PNPT1: variants seen among roughly 807,000 people sequenced by gnomAD.
The protein encoded by PNPT1 is polyribonucleotide nucleotidyltransferase 1, also known as polyribonucleotide nucleotidyltransferase 1, mitochondrial.
In PNPT1, 53 loss-of-function variants were observed where a neutral mutation model predicts 119.5. That is an observed-to-expected ratio of 0.44 (90% CI 0.36 to 0.56). The LOEUF is 0.56. Ranked by LOEUF, PNPT1 falls within the 20% of genes least tolerant of loss-of-function variation. The pLI is 0.00. For missense variants in PNPT1, 948 were observed against 938.5 expected (o/e 1.01, Z -0.13); for synonymous variants, 357 against 322.1 (o/e 1.11, Z -1.16).
intron 10 of PNPT1, 47 bp from the exon 11 acceptor site, chr2:55,671,423 T>C: frequency 8.7e-7 from 1 of 1,151,702 alleles, no homozygotes; most frequent in Non-Finnish European, 1.2e-6. Flanking sequence ...TGACAACATT[T>C]AATATTTCTG....
chr2:55,667,993 T>A (rs1338247215), intron 11 of PNPT1, 35 bp from the exon 12 acceptor site: 1 of 1,540,942 alleles, frequency 6.5e-7, no homozygotes, highest in South Asian at 1.2e-5. Flanking sequence ...CAAAGATTTT[T>A]ACTTTTTTAG....
chr2:55,657,687 C>T (rs1696430956), intron 15 of PNPT1, among the ~76,000 whole-genome samples: 2 of 151,110 alleles, frequency 1.3e-5, no homozygotes, highest in Non-Finnish European at 3.0e-5. Context: ...CTCTTAAATG[C>T]AGTGGATGGA....
At chr2:55,686,949 T>C (rs994711326) in intron 2 of PNPT1, among the ~76,000 whole-genome samples, 1 of 151,966 alleles carries the variant, frequency 6.6e-6, no homozygotes, top group African/African-American at 2.4e-5. Flanking sequence ...GCGCGGTGGC[T>C]CACGTCTGTA....
chr2:55,639,051 C>G (rs897966384), intron 26 of PNPT1, among the ~76,000 whole-genome samples: 6 of 152,138 alleles, frequency 3.9e-5, no homozygotes, highest in Admixed American at 1.3e-4. Context: ...GCTGGGCTTA[C>G]AGGCGTGAGC....
intron 15 of PNPT1, among the ~76,000 whole-genome samples, chr2:55,658,101 G>T (rs1312654500): frequency 1.3e-5 from 2 of 151,610 alleles, no homozygotes; most frequent in African/African-American, 4.8e-5. Flanking sequence ...GCGGGGTGTG[G>T]TGGTGCCTGT....
chr2:55,652,861 T>C (rs927660398), intron 18 of PNPT1, among the ~76,000 whole-genome samples: 2 of 152,160 alleles, frequency 1.3e-5, no homozygotes, highest in African/African-American at 2.4e-5. Flanking sequence ...TCCTTTTTTG[T>C]TTTCTTGAGA....
At chr2:55,650,998 C>T (rs1696169315) in intron 18 of PNPT1, among the ~76,000 whole-genome samples, 1 of 143,798 alleles carries the variant, frequency 7.0e-6, no homozygotes, top group African/African-American at 2.5e-5. Context: ...GTGAGGGGCG[C>T]CTCTGCCCGG....
At chr2:55,666,911 G>T in intron 13 of PNPT1, 80 bp downstream of exon 13, 1 of 855,368 alleles carries the variant, frequency 1.2e-6, no homozygotes, top group Non-Finnish European at 1.8e-6. Flanking sequence ...AAAACCTACA[G>T]CATCTACTAA....
rs376803449 is a variant in PNPT1 at position 55,656,217 on chromosome 2, G to C, written c.1355C>G (p.Ala452Gly). The C allele has an allele frequency of 6.2e-7, 1 of 1,612,854 alleles. No homozygotes were observed. The highest frequency in any genetic ancestry group is 8.5e-7 in the Non-Finnish European group (1 of 1,179,486). ...GLNRRELGHG[A>G]LAEKALYPVI... is the part of the protein sequence containing the mutation. ...AGGATACAAAGCTTTCTCAGCAAGA[G>C]CACCTAAATTAGAATAGAAAACAAT... Residue 452 changes from alanine to glycine, a missense_variant, in exon 17 of 28, where the codon GCT becomes GGT. By Grantham distance (60) the Ala-to-Gly change is moderately conservative. Transcript: ENST00000447944.
chr2:55,680,790 T>G, intron 6 of PNPT1, 31 bp from the exon 7 acceptor site: 1 of 1,612,862 alleles, frequency 6.2e-7, no homozygotes, highest in Non-Finnish European at 8.5e-7. Flanking sequence ...AGGGCCGAAA[T>G]TAAAATTTCA....
chr2:55,643,066 A>G (rs1182626229), intron 25 of PNPT1, 92 bp downstream of exon 25: 14 of 1,341,238 alleles, frequency 1.0e-5, no homozygotes, highest in Admixed American at 3.6e-5. Context: ...GTGAGGTACA[A>G]TGGCACCACT....
intron 11 of PNPT1, among the ~76,000 whole-genome samples, chr2:55,669,273 C>A (rs998246467): frequency 6.6e-6 from 1 of 152,142 alleles, no homozygotes; most frequent in Non-Finnish European, 1.5e-5. Flanking sequence ...AAAGATCTGT[C>A]AGCCTCAAAG....
intron 1 of PNPT1, among the ~76,000 whole-genome samples, chr2:55,691,693 T>C (rs1438327637): frequency 6.6e-6 from 1 of 151,880 alleles, no homozygotes; most frequent in Non-Finnish European, 1.5e-5. Context: ...TTGAAGCATG[T>C]GTAGTCCTTG....
chr2:55,683,544 T>C (rs904374473), intron 5 of PNPT1, among the ~76,000 whole-genome samples: 14 of 150,856 alleles, frequency 9.3e-5, no homozygotes, highest in African/African-American at 2.9e-4. Context: ...ACCTGGGAGA[T>C]TGAGGTTGCA....
chr2:55,661,434 C>A (rs776164474), intron 14 of PNPT1, among the ~76,000 whole-genome samples: 22 of 152,042 alleles, frequency 1.4e-4, no homozygotes, highest in Non-Finnish European at 3.2e-4. Context: ...ATTTGGCCTG[C>A]AATAAAGATT....
chr2:55,656,481 GT>G, intron 15 of PNPT1, 110 bp from the exon 16 acceptor site: 1 of 1,039,266 alleles, frequency 9.6e-7, no homozygotes, highest in Non-Finnish European at 1.4e-6. Context: ...TCTCATTTTT[GT>G]TTTTTAAAAA....
At chr2:55,679,624 A>T in intron 8 of PNPT1, 58 bp downstream of exon 8, 1 of 1,264,044 alleles carries the variant, frequency 7.9e-7, no homozygotes, top group Non-Finnish European at 1.1e-6. Flanking sequence ...AATTCAGTTT[A>T]AGAAGCCAGA....
chr2:55,641,569 G>C (rs1311119033), intron 25 of PNPT1, among the ~76,000 whole-genome samples: 1 of 152,060 alleles, frequency 6.6e-6, no homozygotes, highest in Non-Finnish European at 1.5e-5. Context: ...GTAAGGTAAG[G>C]ATTTAAGGAA....
Position 55,634,510 on chromosome 2 carries a change from C to A in PNPT1, c.*1727G>T, listed in dbSNP as rs56122729. The A allele has an allele frequency of 6.6e-6, 1 of 150,908 alleles. No homozygotes were observed. Among genetic ancestry groups the A allele is most frequent in the East Asian group, 2.0e-4 (1 of 5,110 alleles). 9.3% of individuals were successfully genotyped at this position (150,908 alleles called of 1,614,324 possible). A position where few individuals can be genotyped will look rare whatever the true frequency, so the allele number is the denominator to read the frequency against. On this transcript the variant is annotated 3_prime_UTR_variant, in exon 28 of 28. Transcript: ENST00000447944. ...TTCCTGACCTCATGTAATCCACCCG[C>A]CTCGGCCTCCCAAAGTGCTGGAATT...
Sources: gnomAD v4.1 joint callset for allele counts (sites outside exome capture counted in the v4.1 genomes callset) on GRCh38, gnomAD v4.1.1 for gene constraint, MANE v1.5 for transcripts, NCBI Gene and HGNC (gene_info 2026-07-23, HGNC 2026-07-21) for gene names.